The following CTDSPL2 variants were observed in gnomAD, a reference collection of about 807,000 sequenced individuals.
The protein encoded by CTDSPL2 is CTD small phosphatase-like protein 2.
CTDSPL2 carries 5 observed loss-of-function variants against 60.0 expected under a neutral mutation model. That is an observed-to-expected ratio of 0.08 (90% confidence interval 0.04 to 0.18). The LOEUF is 0.18. Among genes scored for constraint, CTDSPL2 ranks in the 10% least tolerant of loss-of-function variants. The pLI is 1.00. For synonymous variants in CTDSPL2, 186 were observed against 189.3 expected (o/e 0.98, Z 0.14); for missense variants, 370 against 548.8 (o/e 0.67, Z 3.26).
At chr15:44,519,350 A>G (rs2081716536) in intron 11 of CTDSPL2, 55 bp downstream of exon 11, 2 of 1,395,790 alleles carry the variant, frequency 1.4e-6, no homozygotes, top group Admixed American at 2.5e-5. Flanking sequence ...ATGAAGACAC[A>G]TGCTGCCAAA....
rs944467691 is a variant in CTDSPL2, at chr15:44,496,435, A to G, written c.747A>G (p.Glu249=). 5 of 1,613,724 alleles carry G rather than the reference A, an allele frequency of 3.1e-6. No individual in the cohort carries two copies. The highest frequency in any genetic ancestry group is 1.3e-5 in the African/African-American group (1 of 74,924). The change falls in exon 6 of 13, where the codon GAA becomes GAG. Residue 249 remains glutamate, a synonymous_variant. Coordinates refer to ENST00000260327, the MANE Select transcript of CTDSPL2 (RefSeq NM_016396.3). Reference sequence around the variant, plus strand: ...CAGCCCACGCGGAGGCCACCTATGAAGAAGACTGGGAAGTATTTGACCCGT... The same window carrying G: ...CAGCCCACGCGGAGGCCACCTATGAGGAAGACTGGGAAGTATTTGACCCGT... ...YSSAHAEATY[E]EDWEVFDPYY...
In CTDSPL2 at chr15:44,524,329, A is replaced by AAG. The variant is rs2081838932; in HGVS notation, c.*159_*160dup. 2 of 631,382 alleles carry AAG rather than the reference A, an allele frequency of 3.2e-6. No homozygotes were observed. Among genetic ancestry groups the AAG allele is most frequent in the African/African-American group, 3.7e-5 (2 of 54,600 alleles). 39.1% of individuals were successfully genotyped at this position (631,382 alleles called of 1,614,324 possible). ...CCCAATAATAATTAAGGGTTACAGAAAGAGACTTTATCTATCTCAGATCGA... is the reference window on the plus strand; with the variant it reads ...CCCAATAATAATTAAGGGTTACAGAAAGAGAGACTTTATCTATCTCAGATCGA... On this transcript the variant is annotated 3_prime_UTR_variant, in exon 13 of 13. Transcript: ENST00000260327.
intron 1 of CTDSPL2, among the ~76,000 whole-genome samples, chr15:44,451,595 TC>T (rs969354567): frequency 6.6e-6 from 1 of 152,182 alleles, no homozygotes; most frequent in Non-Finnish European, 1.5e-5. Flanking sequence ...CTGCAGTTTT[TC>T]CCCCTGAGTT....
chr15:44,469,415 A>G (rs923022297), intron 2 of CTDSPL2, among the ~76,000 whole-genome samples: 1 of 152,200 alleles, frequency 6.6e-6, no homozygotes, highest in Non-Finnish European at 1.5e-5. Context: ...TGATTAGAAC[A>G]TTAATTTTAC....
At chr15:44,437,804 C>T (rs1257744013) in intron 1 of CTDSPL2, among the ~76,000 whole-genome samples, 4 of 152,100 alleles carry the variant, frequency 2.6e-5, no homozygotes, top group African/African-American at 9.7e-5. Context: ...GAGATAATCA[C>T]AGGGTTTACA....
chr15:44,478,484 G>A (rs200268068), intron 2 of CTDSPL2, among the ~76,000 whole-genome samples: 87 of 64,440 alleles, frequency 1.4e-3, no homozygotes, highest in African/African-American at 2.2e-3. Flanking sequence ...AAAAAAAAAA[G>A]ACTCATGAGA....
chr15:44,484,609 G>T (rs914653772), intron 3 of CTDSPL2, among the ~76,000 whole-genome samples: 1 of 152,128 alleles, frequency 6.6e-6, no homozygotes. Context: ...GCGTGGTGGC[G>T]CATGCCTGTA....
intron 2 of CTDSPL2, among the ~76,000 whole-genome samples, chr15:44,468,739 T>G (rs564999668): frequency 1.3e-5 from 2 of 152,296 alleles, no homozygotes; most frequent in East Asian, 1.9e-4. Flanking sequence ...CCCCCCTATC[T>G]TTGGTTTTGT....
chr15:44,431,753 T>C (rs1286772487), intron 1 of CTDSPL2, among the ~76,000 whole-genome samples: 2 of 150,634 alleles, frequency 1.3e-5, no homozygotes, highest in Non-Finnish European at 3.0e-5. Flanking sequence ...AGTTTCGCTC[T>C]TGTTCCCCAG....
chr15:44,524,063 C>A lies in CTDSPL2; in HGVS notation c.1336-46C>A, dbSNP rs370140909. The A allele has an allele frequency of 4.2e-6, 6 of 1,440,108 alleles. No individual in the cohort carries two copies. In the African/African-American group the frequency reaches 5.6e-5, roughly 13 times the overall value. 89.2% of individuals were successfully genotyped at this position (1,440,108 alleles called of 1,614,324 possible). On this transcript the variant is annotated intron_variant, in intron 12 of 12. Transcript: ENST00000260327. ...AGAATGTATGTTATGAGGATCATAT[C>A]TTTGAAATTTTATGCCTTTTTAAAA... is the stretch of plus-strand genomic sequence containing the variant.
chr15:44,527,921 A>G lies in CTDSPL2; in HGVS notation c.*3747A>G, dbSNP rs891723488. 3 of 152,194 alleles carry G rather than the reference A, an allele frequency of 2.0e-5. No individual in the cohort carries two copies. The highest frequency in any genetic ancestry group is 7.2e-5 in the African/African-American group (3 of 41,444). 9.4% of individuals were successfully genotyped at this position (152,194 alleles called of 1,614,324 possible). On this transcript the variant is annotated 3_prime_UTR_variant, in exon 13 of 13. Coordinates refer to ENST00000260327, the MANE Select transcript of CTDSPL2 (RefSeq NM_016396.3). ...TTCTCATGTCTTCCCCTGAGTTGAA[A>G]GCCTACGACAAACATGTATAAAATA...
chr15:44,449,220 T>C (rs1299956332), intron 1 of CTDSPL2: 1 of 275,008 alleles, frequency 3.6e-6, no homozygotes, highest in African/African-American at 2.3e-5. Flanking sequence ...TCTCCTGGCA[T>C]GTTCACTATC....
intron 2 of CTDSPL2, among the ~76,000 whole-genome samples, chr15:44,463,045 CT>C (rs1266010865): frequency 1.3e-5 from 2 of 151,930 alleles, no homozygotes; most frequent in African/African-American, 4.8e-5. Flanking sequence ...GTCCAAGTTT[CT>C]TTTTTTGTTT....
At chr15:44,460,326 T>G (rs1035980235) in intron 2 of CTDSPL2, among the ~76,000 whole-genome samples, 9 of 152,170 alleles carry the variant, frequency 5.9e-5, no homozygotes, top group Non-Finnish European at 1.3e-4. Context: ...GCCTGGATGG[T>G]CTTGATCTCC....
chr15:44,464,684 G>C (rs759940704), intron 2 of CTDSPL2, among the ~76,000 whole-genome samples: 4 of 151,984 alleles, frequency 2.6e-5, no homozygotes, highest in Non-Finnish European at 5.9e-5. Flanking sequence ...ACTTCTTTAG[G>C]GGCCACCTGA....
intron 1 of CTDSPL2, among the ~76,000 whole-genome samples, chr15:44,431,337 G>A (rs1043876409): frequency 4.6e-5 from 7 of 152,132 alleles, no homozygotes; most frequent in African/African-American, 1.7e-4. Flanking sequence ...CACTTACTTG[G>A]CATTTGCCAG....
chr15:44,481,299 C>T, intron 2 of CTDSPL2, among the ~76,000 whole-genome samples: 1 of 152,090 alleles, frequency 6.6e-6, no homozygotes, highest in Non-Finnish European at 1.5e-5. Context: ...GTTTTTGTAA[C>T]CTGAAGTATT....
At chr15:44,512,229 G>A (rs2081579908) in intron 8 of CTDSPL2, among the ~76,000 whole-genome samples, 1 of 151,852 alleles carries the variant, frequency 6.6e-6, no homozygotes, top group African/African-American at 2.4e-5. Context: ...GAAACTTTTT[G>A]AGCACTGACA....
chr15:44,468,939 C>T (rs897872011), intron 2 of CTDSPL2, among the ~76,000 whole-genome samples: 1 of 152,156 alleles, frequency 6.6e-6, no homozygotes, highest in African/African-American at 2.4e-5. Flanking sequence ...ATATGCTGTA[C>T]TCCTGTTAGT....
Sources: gnomAD v4.1 joint callset for allele counts (sites outside exome capture counted in the v4.1 genomes callset) on GRCh38, gnomAD v4.1.1 for gene constraint, MANE v1.5 for transcripts, NCBI Gene and HGNC (gene_info 2026-07-23, HGNC 2026-07-21) for gene names.